The following PCCA variants were observed in gnomAD, a reference collection of about 807,000 sequenced individuals.
The protein encoded by PCCA is propionyl-CoA carboxylase alpha chain, mitochondrial.
A neutral mutation model predicts 101.3 loss-of-function variants in PCCA; 74 were observed. That is an observed-to-expected ratio of 0.73 (90% CI 0.61 to 0.89). PCCA has a LOEUF of 0.89. Ranked by LOEUF, PCCA falls within the 40% of genes least tolerant of loss-of-function variation. The pLI, the probability that PCCA is intolerant of heterozygous loss-of-function variation, is 0.00. For missense variants in PCCA, 891 were observed against 907.0 expected, an observed-to-expected ratio of 0.98 and a Z score of 0.23; for synonymous variants, 294 against 313.6, an observed-to-expected ratio of 0.94 and a Z score of 0.66.
chr13:100,491,854 A>C (rs12428535), intron 21 of PCCA: 221,403 of 849,240 alleles, frequency 0.26, 28,483 homozygotes, highest in Non-Finnish European at 0.28. Flanking sequence ...AAAATATTTT[A>C]GTGAATATGA....
At chr13:100,474,085 A>G (rs2083231472) in intron 21 of PCCA, among the ~76,000 whole-genome samples, 1 of 152,230 alleles carries the variant, frequency 6.6e-6, no homozygotes, top group Non-Finnish European at 1.5e-5. Context: ...AACAGAAGGT[A>G]GGGAATTGAA....
chr13:100,456,141 A>G (rs564747745), intron 21 of PCCA, among the ~76,000 whole-genome samples: 1 of 152,138 alleles, frequency 6.6e-6, no homozygotes, highest in South Asian at 2.1e-4. Context: ...CTTTATCCTG[A>G]TATTAATGAA....
chr13:100,517,863 C>T (rs2086950238), intron 22 of PCCA, among the ~76,000 whole-genome samples: 1 of 152,200 alleles, frequency 6.6e-6, no homozygotes. Flanking sequence ...CTTAGCGCAA[C>T]TTCTATAGTT....
At chr13:100,194,102 A>G (rs2057936120) in intron 6 of PCCA, among the ~76,000 whole-genome samples, 1 of 151,956 alleles carries the variant, frequency 6.6e-6, no homozygotes, top group Admixed American at 6.6e-5. Context: ...GATCTCTGCT[A>G]TTTTAATATT....
chr13:100,503,550 A>C (rs2085843635), intron 21 of PCCA, among the ~76,000 whole-genome samples: 1 of 152,132 alleles, frequency 6.6e-6, no homozygotes. Flanking sequence ...TCTTGTGTTT[A>C]AAAGTCTACA....
intron 1 of PCCA, among the ~76,000 whole-genome samples, chr13:100,098,023 CA>C (rs141788385): frequency 3.6e-4 from 51 of 142,960 alleles, no homozygotes; most frequent in African/African-American, 5.4e-4. Context: ...GATCCTGTCT[CA>C]AAAAAAAAAA....
At chr13:100,451,802 G>GTCCTCTTCCTCTCCTCTCTC (rs1566342519) in intron 21 of PCCA, among the ~76,000 whole-genome samples, 5 of 1,206 alleles carry the variant, frequency 4.1e-3, no homozygotes, top group African/African-American at 0.013. Context: ...TCTCCTCTCT[G>GTCCTCTTCCTCTCCTCTCTC]TCCTCTTCCT....
chr13:100,214,579 C>G (rs1273621216), intron 7 of PCCA, among the ~76,000 whole-genome samples: 1 of 151,894 alleles, frequency 6.6e-6, no homozygotes, highest in Admixed American at 6.6e-5. Context: ...CATGCACCAC[C>G]ACGCCCAACT....
At chr13:100,520,771 A>G (rs2087223465) in intron 22 of PCCA, among the ~76,000 whole-genome samples, 1 of 152,062 alleles carries the variant, frequency 6.6e-6, no homozygotes, top group Non-Finnish European at 1.5e-5. Flanking sequence ...AGTTGAATAT[A>G]CTCAATGATA....
intron 8 of PCCA, among the ~76,000 whole-genome samples, chr13:100,247,889 A>G (rs2061539319): frequency 6.6e-6 from 1 of 152,112 alleles, no homozygotes. Flanking sequence ...CTTGCTCGTT[A>G]GGTTTTGTCC....
intron 19 of PCCA, among the ~76,000 whole-genome samples, chr13:100,417,437 T>A (rs1257069475): frequency 6.6e-6 from 1 of 152,202 alleles, no homozygotes; most frequent in East Asian, 1.9e-4. Flanking sequence ...TGTGTTTATT[T>A]CCCCTTCATC....
chr13:100,504,444 G>A (rs1001827385), intron 21 of PCCA, among the ~76,000 whole-genome samples: 26 of 152,226 alleles, frequency 1.7e-4, no homozygotes, highest in African/African-American at 6.3e-4. Context: ...ATCTGAGAGC[G>A]TGTACGCGGG....
At chr13:100,202,513 TTAAG>T (rs1314782145) in intron 6 of PCCA, among the ~76,000 whole-genome samples, 2 of 151,602 alleles carry the variant, frequency 1.3e-5, no homozygotes, top group East Asian at 1.9e-4. Context: ...TTTCTTTTAC[TTAAG>T]TAATATTGCT....
At chr13:100,305,662 C>CCCGT in intron 14 of PCCA, 1 of 264,138 alleles carries the variant, frequency 3.8e-6, no homozygotes, top group Non-Finnish European at 7.7e-6. Flanking sequence ...AACCCGTTTA[C>CCCGT]TAGTTGCCAT....
intron 8 of PCCA, among the ~76,000 whole-genome samples, chr13:100,247,074 A>G (rs1477002230): frequency 6.6e-6 from 1 of 151,516 alleles, no homozygotes; most frequent in African/African-American, 2.4e-5. Flanking sequence ...ATGCCCGACC[A>G]AGTTTTATAG....
At chr13:100,157,449 A>G (rs2053996630) in intron 6 of PCCA, 109 bp downstream of exon 6, 9 of 752,462 alleles carry the variant, frequency 1.2e-5, no homozygotes, top group Non-Finnish European at 2.1e-5. Flanking sequence ...TAATTAACCC[A>G]GCAGTTCTTT....
intron 6 of PCCA, among the ~76,000 whole-genome samples, chr13:100,157,796 T>G (rs1446609068): frequency 6.6e-6 from 1 of 152,182 alleles, no homozygotes; most frequent in Non-Finnish European, 1.5e-5. Context: ...ATTAAATTGA[T>G]TTTTCCAGGT....
At chr13:100,307,306 A>T in intron 15 of PCCA, 46 bp downstream of exon 15, 1 of 1,278,898 alleles carries the variant, frequency 7.8e-7, no homozygotes. Flanking sequence ...TCGAAAAATC[A>T]ATGATATTTA....
At chr13:100,253,811 A>G (rs1050424038) in intron 8 of PCCA, among the ~76,000 whole-genome samples, 1 of 149,440 alleles carries the variant, frequency 6.7e-6, no homozygotes, top group Non-Finnish European at 1.5e-5. Context: ...CCATGAGAGG[A>G]CCTGGAAGGT....
Sources: gnomAD v4.1 joint callset for allele counts (sites outside exome capture counted in the v4.1 genomes callset) on GRCh38, gnomAD v4.1.1 for gene constraint, MANE v1.5 for transcripts, NCBI Gene and HGNC (gene_info 2026-07-23, HGNC 2026-07-21) for gene names.